Variants in SLAIN2 observed in about 807,000 individuals in gnomAD.
The protein encoded by SLAIN2 is SLAIN family member 2, also known as SLAIN motif-containing protein 2.
SLAIN2 carries 31 observed loss-of-function variants against 56.6 expected under a neutral mutation model. The ratio of observed to expected loss-of-function variants is 0.55; its 90% CI spans 0.41 to 0.74. SLAIN2 has a LOEUF of 0.74. Among genes scored for constraint, SLAIN2 ranks in the 30% least tolerant of loss-of-function variants. The pLI, the probability that SLAIN2 is intolerant of heterozygous loss-of-function variation, is 0.00. For missense variants in SLAIN2, 777 were observed against 754.2 expected (o/e 1.03, Z -0.35); for synonymous variants, 317 against 284.9 (o/e 1.11, Z -1.13).
Position 48,378,032 on chromosome 4 carries a change from C to G in SLAIN2, c.675C>G (p.Val225=), listed in dbSNP as rs1323310060. The G allele has an allele frequency of 6.2e-7, 1 of 1,613,614 alleles. No homozygotes were observed. The highest frequency in any genetic ancestry group is 1.7e-5 in the Admixed American group (1 of 59,880). Reference sequence around the variant, plus strand: ...CAACCCCAGTGCGACCTCCTATAGTCAAACAGCTTATACTTCCTGGAAATT... The same window carrying G: ...CAACCCCAGTGCGACCTCCTATAGTGAAACAGCTTATACTTCCTGGAAATT... ...PSSTPVRPPI[V]KQLILPGNSG... is the part of the protein sequence containing the mutation. The change falls in exon 3 of 8, where the codon GTC becomes GTG. Residue 225 remains valine (V), a synonymous_variant. Coordinates refer to ENST00000264313, the MANE Select transcript of SLAIN2 (RefSeq NM_020846.2).
At chr4:48,364,718 A>T (rs1413567482) in intron 1 of SLAIN2, among the ~76,000 whole-genome samples, 1 of 134,250 alleles carries the variant, frequency 7.4e-6, no homozygotes, top group African/African-American at 2.7e-5. Context: ...CACCAAAACC[A>T]GTCAGGCGTG....
In SLAIN2 at chr4:48,426,200, A is replaced by T. The variant is rs980469788; in HGVS notation, c.*4123A>T. On this transcript the variant is annotated 3_prime_UTR_variant, in exon 8 of 8. Transcript: ENST00000264313. ...TTTAAATAAATGTTTCTTATGTAAA[A>T]ATGTTGACATGAGTTTGCTTTTGCA... 2 of 152,010 alleles carry T rather than the reference A, an allele frequency of 1.3e-5. No individual in the cohort carries two copies. The highest frequency in any genetic ancestry group is 4.8e-5 in the African/African-American group (2 of 41,412). 9.4% of individuals were successfully genotyped at this position (152,010 alleles called of 1,614,324 possible).
intron 2 of SLAIN2, among the ~76,000 whole-genome samples, chr4:48,375,083 T>C (rs1715769866): frequency 6.6e-6 from 1 of 152,172 alleles, no homozygotes; most frequent in Non-Finnish European, 1.5e-5. Context: ...TGATGTATGA[T>C]TGAGATTCCT....
intron 1 of SLAIN2, among the ~76,000 whole-genome samples, chr4:48,353,511 T>C (rs1375040624): frequency 6.6e-6 from 1 of 152,054 alleles, no homozygotes; most frequent in African/African-American, 2.4e-5. Flanking sequence ...TGAAAATAAC[T>C]ATGAACAAAG....
At chr4:48,420,558 AC>A in intron 7 of SLAIN2, 115 bp downstream of exon 7, 1 of 1,210,842 alleles carries the variant, frequency 8.3e-7, no homozygotes. Context: ...GTGGATTCCC[AC>A]CAGAGTTTTA....
intron 6 of SLAIN2, among the ~76,000 whole-genome samples, chr4:48,398,257 G>A (rs549227569): frequency 4.6e-5 from 7 of 152,178 alleles, no homozygotes; most frequent in East Asian, 1.9e-4. Flanking sequence ...GTGATGATGC[G>A]CTTTTTTTCA....
chr4:48,399,649 G>A (rs1485994372), intron 6 of SLAIN2, among the ~76,000 whole-genome samples: 2 of 152,014 alleles, frequency 1.3e-5, no homozygotes, highest in African/African-American at 4.8e-5. Context: ...TTTGTCGTAT[G>A]TGTCTCTTTT....
intron 4 of SLAIN2, 145 bp downstream of exon 4, chr4:48,379,993 T>C: frequency 2.7e-6 from 2 of 743,754 alleles, no homozygotes. Flanking sequence ...TTAGTCAACA[T>C]ATGTACATGT....
intron 1 of SLAIN2, among the ~76,000 whole-genome samples, chr4:48,343,038 C>A (rs1213732393): frequency 6.6e-6 from 1 of 152,142 alleles, no homozygotes; most frequent in Non-Finnish European, 1.5e-5. Flanking sequence ...AATTATTTGT[C>A]TTAATTCATT....
rs80318279 is a variant in SLAIN2 at position 48,343,887 on chromosome 4, T to A, written c.389+1759T>A. Reference sequence around the variant, plus strand: ...CATTCTCCCAAAGGAATCTTGGGTATGTATGCACTTTAAAAGAACCCAGAA... The same window carrying A: ...CATTCTCCCAAAGGAATCTTGGGTAAGTATGCACTTTAAAAGAACCCAGAA... On this transcript the variant is annotated intron_variant, in intron 1 of 7. Transcript: ENST00000264313. Among the ~76,000 whole-genome samples the A allele has an allele frequency of 6.1e-4, 93 of 152,366 alleles. 1 individual carries two copies. The East Asian group carries it at 0.017, about 27-fold the overall frequency.
At position 48,383,672 on chromosome 4, in the gene SLAIN2, C is replaced by T; in HGVS notation, c.1248C>T (p.Asn416=). ...NEEKLRRSLP[N]LSRTSNTQVD... ...AAAAACTAAGACGCAGTCTTCCAAA[C>T]CTGTCCCGAACATCTAATACACAAG... The change falls in exon 6 of 8, where the codon AAC becomes AAT. Residue 416 remains asparagine (N), a synonymous_variant. Coordinates refer to ENST00000264313, the MANE Select transcript of SLAIN2 (RefSeq NM_020846.2). 1 of 1,600,304 alleles carries T rather than the reference C, an allele frequency of 6.2e-7. No individual in the cohort carries two copies. Among genetic ancestry groups the T allele is most frequent in the East Asian group, 2.2e-5 (1 of 44,690 alleles).
At chr4:48,385,630 T>A (rs534847912) in intron 6 of SLAIN2, among the ~76,000 whole-genome samples, 3 of 123,158 alleles carry the variant, frequency 2.4e-5, no homozygotes, top group African/African-American at 6.6e-5. Context: ...ATTTTCATCT[T>A]TTTTTTTCTT....
chr4:48,396,073 G>A (rs1716378306), intron 6 of SLAIN2, among the ~76,000 whole-genome samples: 1 of 152,072 alleles, frequency 6.6e-6, no homozygotes, highest in African/African-American at 2.4e-5. Context: ...ATGTTGCTGT[G>A]TTGATCAGGT....
At chr4:48,361,634 T>C (rs1165903370) in intron 1 of SLAIN2, among the ~76,000 whole-genome samples, 2 of 152,148 alleles carry the variant, frequency 1.3e-5, no homozygotes, top group Non-Finnish European at 2.9e-5. Flanking sequence ...ATTTTTTTTT[T>C]CCAAAATTGT....
At chr4:48,363,583 C>G in intron 1 of SLAIN2, among the ~76,000 whole-genome samples, 1 of 106,758 alleles carries the variant, frequency 9.4e-6, no homozygotes, top group Non-Finnish European at 2.1e-5. Flanking sequence ...AACCCCCCAC[C>G]TCCCTCCCGG....
intron 1 of SLAIN2, among the ~76,000 whole-genome samples, chr4:48,348,563 G>A (rs1443229690): frequency 6.6e-6 from 1 of 151,900 alleles, no homozygotes; most frequent in Non-Finnish European, 1.5e-5. Flanking sequence ...GGTGGTGGGC[G>A]CCTGTAATCC....
intron 1 of SLAIN2, 98 bp from the exon 2 acceptor site, chr4:48,369,751 C>A: frequency 1.9e-6 from 2 of 1,060,044 alleles, no homozygotes; most frequent in Non-Finnish European, 2.7e-6. Flanking sequence ...ATGACTTTTA[C>A]TCCCTTCTCC....
At chr4:48,388,558 T>A (rs2109767444) in intron 6 of SLAIN2, among the ~76,000 whole-genome samples, 1 of 152,346 alleles carries the variant, frequency 6.6e-6, no homozygotes, top group Non-Finnish European at 1.5e-5. Context: ...CATTTATTTT[T>A]ATAGAAAGGG....
intron 1 of SLAIN2, among the ~76,000 whole-genome samples, chr4:48,362,568 G>A (rs1277683490): frequency 6.7e-6 from 1 of 150,152 alleles, no homozygotes. Context: ...ACAGGCACGT[G>A]CTACCATGCC....
Sources: allele counts gnomAD v4.1 joint callset (sites outside exome capture counted in the v4.1 genomes callset), GRCh38; gene constraint gnomAD v4.1.1; transcripts MANE v1.5; gene names NCBI Gene and HGNC (gene_info 2026-07-23, HGNC 2026-07-21).